INPP4B: variants seen among roughly 807,000 people sequenced by gnomAD.
INPP4B encodes inositol polyphosphate 4-phosphatase type II.
Under a neutral mutation model 122.5 loss-of-function variants are expected in INPP4B, and 55 were observed. That is an observed-to-expected ratio of 0.45 (90% CI 0.36 to 0.56). The LOEUF is 0.56. Among genes scored for constraint, INPP4B ranks in the 20% least tolerant of loss-of-function variants. INPP4B has a pLI of 0.00. For missense variants in INPP4B, 1,000 were observed against 1,097.7 expected, an observed-to-expected ratio of 0.91 and a Z score of 1.26; for synonymous variants, 403 against 388.7, an observed-to-expected ratio of 1.04 and a Z score of -0.43.
intron 3 of INPP4B, among the ~76,000 whole-genome samples, chr4:142,435,293 T>C (rs1006573887): frequency 2.0e-5 from 3 of 152,118 alleles, no homozygotes; most frequent in Non-Finnish European, 4.4e-5. Context: ...TGCTCTCACT[T>C]AGTGAGTGCT....
At chr4:142,278,805 A>G (rs1337847600) in intron 9 of INPP4B, among the ~76,000 whole-genome samples, 1 of 151,952 alleles carries the variant, frequency 6.6e-6, no homozygotes, top group African/African-American at 2.4e-5. Context: ...GGGCTCACCC[A>G]AAGTTGTGCA....
chr4:142,813,427 T>C (rs536092630), intron 1 of INPP4B, among the ~76,000 whole-genome samples: 69 of 152,262 alleles, frequency 4.5e-4, no homozygotes, highest in African/African-American at 1.6e-3. Flanking sequence ...AGTTTACTTG[T>C]AGGAGTCAGT....
intron 9 of INPP4B, among the ~76,000 whole-genome samples, chr4:142,297,770 A>G (rs1759420004): frequency 6.6e-6 from 1 of 152,242 alleles, no homozygotes. Context: ...TAGAGAAGGT[A>G]GCTGTCACAT....
intron 9 of INPP4B, among the ~76,000 whole-genome samples, chr4:142,287,856 C>G (rs1209856182): frequency 6.6e-6 from 1 of 152,056 alleles, no homozygotes; most frequent in South Asian, 2.1e-4. Flanking sequence ...CTTAAAAAAA[C>G]AGACATTTTT....
intron 2 of INPP4B, chr4:142,473,413 G>A (rs1819236022): frequency 6.6e-6 from 1 of 152,390 alleles, no homozygotes; most frequent in South Asian, 2.1e-4. Flanking sequence ...GACCCCTCTT[G>A]GGGATACACA....
intron 1 of INPP4B, among the ~76,000 whole-genome samples, chr4:142,806,837 A>AAG (rs1416585606): frequency 6.6e-6 from 1 of 150,924 alleles, no homozygotes; most frequent in Non-Finnish European, 1.5e-5. Context: ...GAAAGAAAGA[A>AAG]AGAAAGAAAG....
intron 23 of INPP4B, among the ~76,000 whole-genome samples, chr4:142,107,815 T>C (rs1451627606): frequency 6.6e-6 from 1 of 152,096 alleles, no homozygotes; most frequent in Non-Finnish European, 1.5e-5. Context: ...AATGTCTAAT[T>C]ATAAGGTCCA....
At chr4:142,141,702 T>C (rs990018657) in intron 18 of INPP4B, among the ~76,000 whole-genome samples, 1 of 152,000 alleles carries the variant, frequency 6.6e-6, no homozygotes, top group African/African-American at 2.4e-5. Context: ...ATTTAAAATA[T>C]TACTAAAAGG....
intron 2 of INPP4B, among the ~76,000 whole-genome samples, chr4:142,500,999 C>T (rs2149819281): frequency 6.6e-6 from 1 of 152,252 alleles, no homozygotes; most frequent in African/African-American, 2.4e-5. Context: ...TAAAATTAAA[C>T]ATTTGTTAAA....
chr4:142,432,017 A>AT (rs950112632), intron 3 of INPP4B, among the ~76,000 whole-genome samples: 6 of 152,204 alleles, frequency 3.9e-5, no homozygotes, highest in African/African-American at 1.4e-4. Flanking sequence ...CTAAAGCTCA[A>AT]GGGGAAATTA....
At chr4:142,490,803 T>C (rs1482785658) in intron 2 of INPP4B, among the ~76,000 whole-genome samples, 1 of 152,142 alleles carries the variant, frequency 6.6e-6, no homozygotes, top group African/African-American at 2.4e-5. Context: ...ATAAAAGAGA[T>C]CATGCATGCA....
At chr4:142,368,231 A>T (rs920969636) in intron 7 of INPP4B, among the ~76,000 whole-genome samples, 14 of 152,200 alleles carry the variant, frequency 9.2e-5, no homozygotes, top group Admixed American at 5.9e-4. Flanking sequence ...CATTATAATA[A>T]TAAATGGTTT....
intron 3 of INPP4B, among the ~76,000 whole-genome samples, chr4:142,435,128 TCATGTGAGACCCTTTTCCTCACA>T (rs1810150770): frequency 6.6e-6 from 1 of 152,038 alleles, no homozygotes; most frequent in South Asian, 2.1e-4. Context: ...TGCCACATGG[TCATGTGAGACCCTTTTCCTCACA>T]CAAGTGGCAC....
At chr4:142,545,789 A>G (rs180851168) in intron 2 of INPP4B, among the ~76,000 whole-genome samples, 40 of 105,654 alleles carry the variant, frequency 3.8e-4, no homozygotes, top group African/African-American at 1.2e-3. Context: ...ACACATATAT[A>G]TGTGTGTATA....
chr4:142,257,496 C>A (rs1373683553), intron 11 of INPP4B, among the ~76,000 whole-genome samples: 1 of 152,082 alleles, frequency 6.6e-6, no homozygotes, highest in Non-Finnish European at 1.5e-5. Flanking sequence ...TGATAAGCAA[C>A]TTCAGCAAAG....
At chr4:142,138,263 A>G (rs888525852) in intron 18 of INPP4B, among the ~76,000 whole-genome samples, 1 of 151,436 alleles carries the variant, frequency 6.6e-6, no homozygotes, top group Non-Finnish European at 1.5e-5. Context: ...GGAAATCATC[A>G]TTCTCAGTAA....
At chr4:142,520,947 G>A (rs1459545678) in intron 2 of INPP4B, among the ~76,000 whole-genome samples, 2 of 151,788 alleles carry the variant, frequency 1.3e-5, no homozygotes, top group Non-Finnish European at 2.9e-5. Context: ...TTGCTTTTTA[G>A]TGCCATATAA....
intron 2 of INPP4B, among the ~76,000 whole-genome samples, chr4:142,672,564 A>G (rs1336363862): frequency 6.6e-6 from 1 of 152,134 alleles, no homozygotes; most frequent in Non-Finnish European, 1.5e-5. Context: ...CTCCTTTGGC[A>G]AAGTGTCTCT....
intron 5 of INPP4B, among the ~76,000 whole-genome samples, chr4:142,409,499 T>TAATA (rs10524814): frequency 0.033 from 4,985 of 150,464 alleles, 97 homozygotes; most frequent in Non-Finnish European, 0.044. Flanking sequence ...TCTCAAAAAA[T>TAATA]AATAAATAAA....
Sources: gnomAD v4.1 joint callset for allele counts (sites outside exome capture counted in the v4.1 genomes callset) on GRCh38, gnomAD v4.1.1 for gene constraint, MANE v1.5 for transcripts, NCBI Gene and HGNC (gene_info 2026-07-23, HGNC 2026-07-21) for gene names.